The following ZMYND19 variants were observed in gnomAD, a reference collection of about 807,000 sequenced individuals.
ZMYND19 encodes the protein zinc finger MYND-type containing 19, also known as zinc finger MYND domain-containing protein 19.
A neutral mutation model predicts 32.0 loss-of-function variants in ZMYND19; 17 were observed. The ratio of observed to expected loss-of-function variants is 0.53; its 90% CI spans 0.36 to 0.80. The LOEUF is 0.80. Ranked by LOEUF, ZMYND19 falls within the 30% of genes least tolerant of loss-of-function variation. The pLI, the probability that ZMYND19 is intolerant of heterozygous loss-of-function variation, is 0.00. For synonymous variants in ZMYND19, 124 were observed against 113.6 expected (o/e 1.09, Z -0.58); for missense variants, 250 against 293.6 (o/e 0.85, Z 1.09).
At chr9:137,586,878 C>G (rs1588973867) in intron 4 of ZMYND19, 89 bp downstream of exon 4, 1 of 1,558,978 alleles carries the variant, frequency 6.4e-7, no homozygotes. Context: ...AGAGGAGGAA[C>G]AGGAGACCCT....
chr9:137,590,316 C>A lies in ZMYND19; in HGVS notation c.-53G>T. ...CGCCGCTCCCTCGGGAGGCGCCGAGCGGGGGCCGGGGCGAGGCCGCGGCGC... is the reference window on the plus strand; with the variant it reads ...CGCCGCTCCCTCGGGAGGCGCCGAGAGGGGGCCGGGGCGAGGCCGCGGCGC... On this transcript the variant is annotated 5_prime_UTR_variant, in exon 1 of 6. Transcript: ENST00000298585. This position sits in a 1 kb window ranked among gnomAD's most constrained non-coding sequence, Gnocchi z 4.2. 9.9e-7 allele frequency: 1 copy of A among 1,014,138 alleles called. No individual in the cohort carries two copies. Among genetic ancestry groups the A allele is most frequent in the Non-Finnish European group, 1.2e-6 (1 of 848,516 alleles). 62.8% of individuals were successfully genotyped at this position (1,014,138 alleles called of 1,614,324 possible). A position where few individuals can be genotyped will look rare whatever the true frequency, so the allele number is the denominator to read the frequency against.
At chr9:137,588,253 G>A (rs760891571) in intron 2 of ZMYND19, among the ~76,000 whole-genome samples, 17 of 152,218 alleles carry the variant, frequency 1.1e-4, no homozygotes, top group Admixed American at 2.6e-4. Context: ...AGCAGAGAAC[G>A]GGAGGCAGCT....
intron 2 of ZMYND19, 49 bp from the exon 3 acceptor site, chr9:137,587,872 C>T: frequency 6.5e-7 from 1 of 1,549,736 alleles, no homozygotes; most frequent in South Asian, 1.1e-5. Context: ...CAATTCTCAG[C>T]AACACTTCAA....
intron 2 of ZMYND19, among the ~76,000 whole-genome samples, chr9:137,588,102 AG>A (rs551421119): frequency 1.5e-4 from 23 of 152,242 alleles, no homozygotes; most frequent in Non-Finnish European, 3.1e-4. Flanking sequence ...CCTTAAAAAA[AG>A]CCCACGGTGC....
intron 4 of ZMYND19, among the ~76,000 whole-genome samples, chr9:137,584,790 C>A (rs1346003221): frequency 6.6e-6 from 1 of 152,200 alleles, no homozygotes; most frequent in Non-Finnish European, 1.5e-5. Context: ...GAACAGGGTG[C>A]CTGCTTCAGT....
intron 4 of ZMYND19, among the ~76,000 whole-genome samples, chr9:137,586,343 G>C (rs1293028512): frequency 2.0e-5 from 3 of 149,750 alleles, no homozygotes; most frequent in African/African-American, 7.4e-5. Flanking sequence ...GGAATCCTGA[G>C]GTGAGCAGAG....
chr9:137,587,492 C>T (rs1341156488), intron 3 of ZMYND19: 6 of 604,916 alleles, frequency 9.9e-6, no homozygotes, highest in Non-Finnish European at 1.5e-5. Flanking sequence ...CCAGAGGCTG[C>T]CGGTCCTGGG....
intron 5 of ZMYND19, 31 bp from the exon 6 acceptor site, chr9:137,582,717 T>A (rs1311690685): frequency 1.2e-6 from 2 of 1,606,898 alleles, no homozygotes; most frequent in Non-Finnish European, 1.7e-6. Flanking sequence ...GGCTTCACCA[T>A]CATGCCTGGG....
At chr9:137,587,869 C>T (rs1475358918) in intron 2 of ZMYND19, 46 bp from the exon 3 acceptor site, 1 of 1,560,406 alleles carries the variant, frequency 6.4e-7, no homozygotes. Flanking sequence ...CTCCAATTCT[C>T]AGCAACACTT....
chr9:137,585,816 C>T (rs560275996), intron 4 of ZMYND19, among the ~76,000 whole-genome samples: 2 of 152,364 alleles, frequency 1.3e-5, no homozygotes, highest in Non-Finnish European at 2.9e-5. Flanking sequence ...CAGCCACCAA[C>T]CATCACCAAG....
chr9:137,583,265 C>G (rs1482463519), intron 4 of ZMYND19, 102 bp from the exon 5 acceptor site: 1 of 1,332,628 alleles, frequency 7.5e-7, no homozygotes, highest in African/African-American at 1.5e-5. Context: ...GCCCAGGACA[C>G]CCAGCCCGAG....
At position 137,582,478 on chromosome 9, in the gene ZMYND19, AGTCT is replaced by A. The variant is rs1842157520; in HGVS notation, c.*61_*64del. On this transcript the variant is annotated 3_prime_UTR_variant, in exon 6 of 6. Coordinates refer to ENST00000298585, the MANE Select transcript of ZMYND19 (RefSeq NM_138462.3). ...TTTGGCACCTCCAGGTTCAACCACC[AGTCT>A]GTCTCTGCTGTGCCCAGGGTAGAGC... The A allele has an allele frequency of 1.9e-5, 30 of 1,550,522 alleles. No individual in the cohort carries two copies. Among genetic ancestry groups the A allele is most frequent in the Non-Finnish European group, 2.5e-5 (29 of 1,148,236 alleles).
intron 4 of ZMYND19, among the ~76,000 whole-genome samples, chr9:137,584,230 A>G (rs1217475468): frequency 6.6e-6 from 1 of 152,214 alleles, no homozygotes; most frequent in African/African-American, 2.4e-5. Context: ...CAAACCAAAG[A>G]TGGCTGAGCC....
intron 4 of ZMYND19, among the ~76,000 whole-genome samples, chr9:137,585,481 C>T (rs1842194376): frequency 6.6e-6 from 1 of 151,424 alleles, no homozygotes; most frequent in Non-Finnish European, 1.5e-5. Flanking sequence ...CAAGAACAGC[C>T]TGGGCAACAT....
intron 4 of ZMYND19, among the ~76,000 whole-genome samples, chr9:137,584,353 G>A (rs552323014): frequency 6.6e-6 from 1 of 152,380 alleles, no homozygotes; most frequent in East Asian, 1.9e-4. Context: ...ATCCTGCCGT[G>A]CCCACAGAGA....
chr9:137,586,909 C>T (rs1285024551), intron 4 of ZMYND19, 58 bp downstream of exon 4: 41 of 1,603,048 alleles, frequency 2.6e-5, no homozygotes, highest in Middle Eastern at 3.3e-4. Flanking sequence ...AGAGCTTTGG[C>T]GGTGGCCCTC....
rs1309575233 is a variant in ZMYND19 at position 137,587,813 on chromosome 9, T to A, written c.122A>T (p.Glu41Val). Residue 41 changes from glutamate (E) to valine (V), a missense_variant, in exon 3 of 6, where the codon GAA becomes GTA. By Grantham distance (121) the Glu-to-Val change is moderately radical. Around this residue, in one of 2 missense-constraint regions of ZMYND19, gnomAD observed 212 missense variants for 218.8 expected, o/e 0.97. Coordinates refer to ENST00000298585, the MANE Select transcript of ZMYND19 (RefSeq NM_138462.3). ...VESYSFEARM[E>V]VDADGNGAKI... ...AGCACCATTTCCATCTGCATCCACT[T>A]CCATTCGGGCCTGAGAAGGAACAAG... 1 of 1,613,926 alleles carries A rather than the reference T, an allele frequency of 6.2e-7. No individual in the cohort carries two copies. The highest frequency in any genetic ancestry group is 8.5e-7 in the Non-Finnish European group (1 of 1,180,002).
chr9:137,587,948 G>T, intron 2 of ZMYND19, 125 bp from the exon 3 acceptor site: 1 of 952,924 alleles, frequency 1.0e-6, no homozygotes, highest in Non-Finnish European at 1.7e-6. Context: ...CTGTCCCTGA[G>T]ACCCTGGGGA....
intron 1 of ZMYND19, chr9:137,589,670 TC>T (rs906154627): frequency 1.0e-6 from 1 of 985,406 alleles, no homozygotes. Context: ...CTGCTCCGAG[TC>T]TGAGGCTCAG....
Sources: gnomAD v4.1 joint callset for allele counts (sites outside exome capture counted in the v4.1 genomes callset) on GRCh38, gnomAD v4.1.1 for gene constraint, gnomAD v4.1.1 regional missense constraint, Gnocchi (gnomAD v3.1) non-coding constraint, MANE v1.5 for transcripts, NCBI Gene and HGNC (gene_info 2026-07-23, HGNC 2026-07-21) for gene names.